SEMA3E: variants seen among roughly 807,000 people sequenced by gnomAD.
The protein encoded by SEMA3E is semaphorin-3E.
SEMA3E carries 49 observed loss-of-function variants against 93.6 expected under a neutral mutation model. That is an observed-to-expected ratio of 0.52 (90% confidence interval 0.42 to 0.66). The LOEUF is 0.66. SEMA3E is among the 30% of genes least tolerant of loss of function. The probability of loss-of-function intolerance (pLI) is 0.00; values close to 1 mark genes in which losing one functional copy is unlikely to be tolerated. For missense variants in SEMA3E, 906 were observed against 964.8 expected (o/e 0.94, Z 0.81); for synonymous variants, 363 against 330.7 (o/e 1.10, Z -1.06).
In SEMA3E at chr7:83,423,852, T is replaced by A. The variant is rs534050969; in HGVS notation, c.457-5369A>T. The stretch of plus-strand genomic sequence containing the variant: ...GGTACAGTGTATACTGCTCAGGTGA[T>A]GGGTGCATCAAAATCTCACAGATCA... On this transcript the variant is annotated intron_variant, in intron 4 of 16. Coordinates refer to ENST00000643230, the MANE Select transcript of SEMA3E (RefSeq NM_012431.3). 9.2e-5 allele frequency among the ~76,000 whole-genome samples: 14 copies of A among 152,264 alleles called. No homozygotes were observed. The East Asian group carries it at 2.5e-3, about 27-fold the overall frequency.
intron 1 of SEMA3E, among the ~76,000 whole-genome samples, chr7:83,626,647 CA>C (rs1199892813): frequency 4.0e-5 from 6 of 151,840 alleles, no homozygotes; most frequent in Admixed American, 6.6e-5. Flanking sequence ...TTAGTATTTT[CA>C]AAAAAACAGT....
At chr7:83,551,071 T>C (rs1225231761) in intron 1 of SEMA3E, among the ~76,000 whole-genome samples, 1 of 152,142 alleles carries the variant, frequency 6.6e-6, no homozygotes, top group Non-Finnish European at 1.5e-5. Context: ...ACTCACATTG[T>C]CTGTTGGTAG....
chr7:83,570,125 G>A (rs1311662957), intron 1 of SEMA3E, among the ~76,000 whole-genome samples: 3 of 152,024 alleles, frequency 2.0e-5, no homozygotes, highest in African/African-American at 7.3e-5. Flanking sequence ...ATAAATCTTG[G>A]GTCAACAAGA....
rs372259185 is a variant in SEMA3E at position 83,632,042 on chromosome 7, C to G, written c.115+16386G>C. 2.0e-5 allele frequency among the ~76,000 whole-genome samples: 3 copies of G among 151,774 alleles called. No individual in the cohort carries two copies. In the East Asian group the frequency reaches 5.9e-4, roughly 30 times the overall value. On this transcript the variant is annotated intron_variant, in intron 1 of 16. Transcript: ENST00000643230. ...TGGTGGTACGTGCCTGTAATCCTGGCTAGTCAGGAGGTTGAGGCAGGAGAA... is the reference window on the plus strand; with the variant it reads ...TGGTGGTACGTGCCTGTAATCCTGGGTAGTCAGGAGGTTGAGGCAGGAGAA...
chr7:83,632,541 T>C (rs975232141), intron 1 of SEMA3E, among the ~76,000 whole-genome samples: 2 of 152,158 alleles, frequency 1.3e-5, no homozygotes, highest in Admixed American at 1.3e-4. Flanking sequence ...TTGCCTGCTG[T>C]CATCCATGTA....
At chr7:83,418,948 C>T (rs1788617297) in intron 4 of SEMA3E, among the ~76,000 whole-genome samples, 1 of 151,706 alleles carries the variant, frequency 6.6e-6, no homozygotes, top group African/African-American at 2.4e-5. Flanking sequence ...TGTTATATGG[C>T]CTTATTGTGT....
At chr7:83,591,765 A>G (rs867487075) in intron 1 of SEMA3E, among the ~76,000 whole-genome samples, 70 of 152,200 alleles carry the variant, frequency 4.6e-4, no homozygotes, top group African/African-American at 1.7e-3. Context: ...TTTGAAAATC[A>G]TCAAATAAGT....
chr7:83,639,495 A>T (rs879813338), intron 1 of SEMA3E, among the ~76,000 whole-genome samples: 2 of 151,976 alleles, frequency 1.3e-5, no homozygotes, highest in Non-Finnish European at 2.9e-5. Flanking sequence ...GGCGGTAATT[A>T]TAGCCTTTAG....
intron 4 of SEMA3E, among the ~76,000 whole-genome samples, chr7:83,460,476 G>T (rs1394691189): frequency 6.6e-6 from 1 of 151,942 alleles, no homozygotes; most frequent in Admixed American, 6.6e-5. Flanking sequence ...TCATTGCAGG[G>T]ACGCCGCTCT....
At chr7:83,553,888 G>A (rs1242716505) in intron 1 of SEMA3E, among the ~76,000 whole-genome samples, 1 of 152,034 alleles carries the variant, frequency 6.6e-6, no homozygotes, top group Admixed American at 6.6e-5. Flanking sequence ...AAATATGCAA[G>A]AGTTGAGAGG....
At chr7:83,623,121 T>G (rs1793599986) in intron 1 of SEMA3E, among the ~76,000 whole-genome samples, 1 of 152,154 alleles carries the variant, frequency 6.6e-6, no homozygotes, top group Admixed American at 6.6e-5. Flanking sequence ...GTTACCAAAA[T>G]ATCTTCTCAT....
chr7:83,528,960 T>C (rs1348728695), intron 1 of SEMA3E, among the ~76,000 whole-genome samples: 1 of 152,116 alleles, frequency 6.6e-6, no homozygotes, highest in Non-Finnish European at 1.5e-5. Flanking sequence ...TTTTAGATGA[T>C]GAAAGTGTCA....
intron 16 of SEMA3E, among the ~76,000 whole-genome samples, chr7:83,384,136 A>T (rs1787834638): frequency 1.3e-5 from 2 of 152,034 alleles, no homozygotes; most frequent in Non-Finnish European, 2.9e-5. Flanking sequence ...AGAATCAAGG[A>T]TTTACAAATT....
Position 83,367,573 on chromosome 7 carries a change from T to A in SEMA3E, c.*13A>T, listed in dbSNP as rs773392161. ...TATAAATTCTTCAAAAGACAGTAGA[T>A]AGTCTCACCCCATCAGGAGTCCAGC... On this transcript the variant is annotated 3_prime_UTR_variant, in exon 17 of 17. Transcript: ENST00000643230. 3.7e-6 allele frequency: 6 copies of A among 1,612,856 alleles called. No individual in the cohort carries two copies. The African/African-American group carries it at 8.0e-5, about 22-fold the overall frequency.
intron 1 of SEMA3E, among the ~76,000 whole-genome samples, chr7:83,543,487 T>C (rs1377584331): frequency 6.6e-6 from 1 of 152,108 alleles, no homozygotes; most frequent in African/African-American, 2.4e-5. Context: ...TTTTGATTTC[T>C]CAATATGGTA....
intron 1 of SEMA3E, among the ~76,000 whole-genome samples, chr7:83,512,291 A>T (rs1790840795): frequency 6.6e-6 from 1 of 152,238 alleles, no homozygotes; most frequent in African/African-American, 2.4e-5. Context: ...AGACAAAGAA[A>T]GAAAGTCTTT....
chr7:83,592,147 A>G (rs539110703), intron 1 of SEMA3E, among the ~76,000 whole-genome samples: 1 of 152,224 alleles, frequency 6.6e-6, no homozygotes, highest in African/African-American at 2.4e-5. Context: ...AGCTTTAGAA[A>G]TACTGCATAT....
chr7:83,634,527 T>C (rs1793845316), intron 1 of SEMA3E, among the ~76,000 whole-genome samples: 1 of 152,134 alleles, frequency 6.6e-6, no homozygotes, highest in Admixed American at 6.6e-5. Flanking sequence ...ACTTTTGTCT[T>C]ACTTCTGAGC....
chr7:83,385,240 T>C (rs1279875338), intron 16 of SEMA3E, 54 bp downstream of exon 16: 21 of 1,592,242 alleles, frequency 1.3e-5, no homozygotes, highest in Non-Finnish European at 1.8e-5. Context: ...ATCTATTTAC[T>C]GATCACACAC....
Sources: allele counts gnomAD v4.1 joint callset (sites outside exome capture counted in the v4.1 genomes callset), GRCh38; gene constraint gnomAD v4.1.1; transcripts MANE v1.5; gene names NCBI Gene and HGNC (gene_info 2026-07-23, HGNC 2026-07-21).